SPATA16: variants seen among roughly 807,000 people sequenced by gnomAD.
SPATA16 encodes the protein spermatogenesis associated 16, also known as spermatogenesis-associated protein 16.
A neutral mutation model predicts 63.3 loss-of-function variants in SPATA16; 36 were observed. The observed-to-expected ratio is 0.57, with a 90% confidence interval of 0.44 to 0.75. The LOEUF is 0.75. Among genes scored for constraint, SPATA16 ranks in the 30% least tolerant of loss-of-function variants. The pLI is 0.00. For synonymous variants in SPATA16, 203 were observed against 216.7 expected (o/e 0.94, Z 0.56); for missense variants, 646 against 679.3 (o/e 0.95, Z 0.54).
At chr3:172,898,573 T>C (rs1300832971) in intron 10 of SPATA16, among the ~76,000 whole-genome samples, 1 of 151,936 alleles carries the variant, frequency 6.6e-6, no homozygotes, top group Non-Finnish European at 1.5e-5. Context: ...ATTTCATTCC[T>C]GGTATTGGTG....
intron 4 of SPATA16, among the ~76,000 whole-genome samples, chr3:172,998,012 G>T (rs1366425662): frequency 6.6e-6 from 1 of 152,010 alleles, no homozygotes; most frequent in Non-Finnish European, 1.5e-5. Context: ...ATACTGAGTT[G>T]ACTATTCTGG....
intron 3 of SPATA16, among the ~76,000 whole-genome samples, chr3:173,031,274 G>A (rs1735600654): frequency 6.7e-6 from 1 of 150,368 alleles, no homozygotes; most frequent in Admixed American, 6.6e-5. Context: ...AACTGAATGT[G>A]GAAGCAAGAT....
chr3:173,136,961 A>G (rs1738562444), intron 1 of SPATA16, among the ~76,000 whole-genome samples: 1 of 152,206 alleles, frequency 6.6e-6, no homozygotes, highest in Non-Finnish European at 1.5e-5. Context: ...ACTTGAGAGG[A>G]AAAACGTACC....
chr3:172,964,936 T>C (rs985376823), intron 5 of SPATA16, among the ~76,000 whole-genome samples: 3 of 152,224 alleles, frequency 2.0e-5, no homozygotes, highest in African/African-American at 4.8e-5. Context: ...GGACGTTTCA[T>C]CTGGAGACAA....
At chr3:173,136,025 G>T (rs1738537036) in intron 1 of SPATA16, among the ~76,000 whole-genome samples, 1 of 152,192 alleles carries the variant, frequency 6.6e-6, no homozygotes, top group Non-Finnish European at 1.5e-5. Context: ...CTAAACACAT[G>T]CCCCCTACTC....
At chr3:172,953,175 A>T (rs1733485932) in intron 6 of SPATA16, among the ~76,000 whole-genome samples, 1 of 152,126 alleles carries the variant, frequency 6.6e-6, no homozygotes, top group African/African-American at 2.4e-5. Flanking sequence ...CTAAAGTCGG[A>T]TCCTTTCTTA....
intron 1 of SPATA16, among the ~76,000 whole-genome samples, chr3:173,121,621 A>G (rs779648089): frequency 2.0e-5 from 3 of 146,870 alleles, no homozygotes; most frequent in Admixed American, 1.3e-4. Context: ...GCAGAAATAT[A>G]CTTTACTCTT....
intron 4 of SPATA16, among the ~76,000 whole-genome samples, chr3:172,991,851 T>A (rs1171096503): frequency 6.6e-6 from 1 of 151,798 alleles, no homozygotes; most frequent in Non-Finnish European, 1.5e-5. Context: ...AGTTATGGAG[T>A]TGGGAAGTGG....
rs76205843 is a variant in SPATA16 at position 172,926,421 on chromosome 3, T to C, written c.1082-929A>G. On this transcript the variant is annotated intron_variant, in intron 6 of 10. Transcript: ENST00000351008. The stretch of plus-strand genomic sequence containing the variant: ...CTATCTGCCCCTGTTCTAAGAGTTT[T>C]GTGTGCACTGTTCTTTGAATTCCAC... Among the ~76,000 whole-genome samples the C allele has an allele frequency of 2.5e-3, 383 of 152,360 alleles. 1 individual carries two copies. Among genetic ancestry groups the C allele is most frequent in the African/African-American group, 8.7e-3 (360 of 41,592 alleles).
At chr3:173,027,460 CTGT>C (rs1560100687) in intron 3 of SPATA16, among the ~76,000 whole-genome samples, 1 of 151,782 alleles carries the variant, frequency 6.6e-6, no homozygotes, top group African/African-American at 2.4e-5. Context: ...GTTGTTGTTG[CTGT>C]TGTTTTGTTT....
chr3:173,041,696 A>G (rs1735843804), intron 3 of SPATA16, among the ~76,000 whole-genome samples: 2 of 152,170 alleles, frequency 1.3e-5, no homozygotes, highest in South Asian at 2.1e-4. Context: ...ATCCGAGATC[A>G]TGACAATTAT....
intron 2 of SPATA16, among the ~76,000 whole-genome samples, chr3:173,062,898 T>C (rs139959449): frequency 2.0e-4 from 30 of 152,316 alleles, no homozygotes; most frequent in African/African-American, 6.5e-4. Context: ...CAGTTCACAA[T>C]AGGGTTTGTA....
chr3:173,024,965 A>G (rs930761223), intron 3 of SPATA16, among the ~76,000 whole-genome samples: 3 of 150,824 alleles, frequency 2.0e-5, no homozygotes, highest in East Asian at 2.0e-4. Flanking sequence ...TATTCTCATT[A>G]TAGTTTTTTC....
intron 10 of SPATA16, among the ~76,000 whole-genome samples, chr3:172,909,104 C>T (rs1362350076): frequency 6.6e-6 from 1 of 152,118 alleles, no homozygotes; most frequent in Non-Finnish European, 1.5e-5. Flanking sequence ...GTGAGCCTTT[C>T]TAGATACCCA....
intron 5 of SPATA16, among the ~76,000 whole-genome samples, chr3:172,967,160 G>A (rs539579826): frequency 6.6e-6 from 1 of 152,240 alleles, no homozygotes; most frequent in East Asian, 1.9e-4. Flanking sequence ...AGTAAAGAAA[G>A]GCCTGAATTG....
intron 2 of SPATA16, among the ~76,000 whole-genome samples, chr3:173,082,327 A>T (rs1736942495): frequency 6.6e-6 from 1 of 152,204 alleles, no homozygotes. Flanking sequence ...TCAAATTAGA[A>T]TTCTCAGAAT....
At chr3:173,027,949 G>A (rs1315950862) in intron 3 of SPATA16, among the ~76,000 whole-genome samples, 1 of 140,168 alleles carries the variant, frequency 7.1e-6, no homozygotes, top group Non-Finnish European at 1.5e-5. Flanking sequence ...TATGAGACTA[G>A]GGATTAGGGA....
intron 4 of SPATA16, among the ~76,000 whole-genome samples, chr3:173,012,168 A>G (rs1735088893): frequency 6.6e-6 from 1 of 152,162 alleles, no homozygotes; most frequent in Admixed American, 6.5e-5. Flanking sequence ...CAAATCAAGA[A>G]TGCAGTCTCA....
chr3:172,939,975 A>G (rs1188906516), intron 6 of SPATA16, among the ~76,000 whole-genome samples: 1 of 152,206 alleles, frequency 6.6e-6, no homozygotes, highest in Non-Finnish European at 1.5e-5. Flanking sequence ...AAGGATGCCT[A>G]TATAATGAAA....
Sources: allele counts gnomAD v4.1 joint callset (sites outside exome capture counted in the v4.1 genomes callset), GRCh38; gene constraint gnomAD v4.1.1; transcripts MANE v1.5; gene names NCBI Gene and HGNC (gene_info 2026-07-23, HGNC 2026-07-21).